The following XKR9 variants were observed in gnomAD, a reference collection of about 807,000 sequenced individuals.
XKR9 encodes XK related 9.
In XKR9, 32 loss-of-function variants were observed where a neutral mutation model predicts 32.0. That is an observed-to-expected ratio of 1.00 (90% CI 0.76 to 1.34). XKR9 has a LOEUF of 1.34. Ranked by LOEUF, XKR9 falls within the 40% of genes most tolerant of loss-of-function variation. The pLI is 0.00. For missense variants in XKR9, 546 were observed against 429.7 expected, an observed-to-expected ratio of 1.27 and a Z score of -2.39; for synonymous variants, 168 against 143.4, an observed-to-expected ratio of 1.17 and a Z score of -1.22.
At chr8:70,966,366 A>G in the XKR9 span, among the ~76,000 whole-genome samples, 1 of 152,100 alleles carries the variant, frequency 6.6e-6, no homozygotes, top group East Asian at 1.9e-4. Flanking sequence ...CTCATGCCTC[A>G]GCCCCTGAGT....
At chr8:71,062,774 G>A in the XKR9 span, among the ~76,000 whole-genome samples, 2 of 151,872 alleles carry the variant, frequency 1.3e-5, no homozygotes, top group Admixed American at 6.6e-5. Context: ...ACCATTTCTC[G>A]GGGGCAGGAT....
At chr8:70,718,515 C>G (rs1806167518) in intron 4 of XKR9, among the ~76,000 whole-genome samples, 1 of 152,072 alleles carries the variant, frequency 6.6e-6, no homozygotes, top group African/African-American at 2.4e-5. Context: ...TGATCCCCTC[C>G]CTGTGTCCAT....
the XKR9 span, among the ~76,000 whole-genome samples, chr8:70,833,966 A>G: frequency 1.3e-5 from 2 of 152,188 alleles, no homozygotes; most frequent in Non-Finnish European, 1.5e-5. Context: ...AATAATTCAG[A>G]TATACAAAAA....
At chr8:70,839,242 G>T in the XKR9 span, among the ~76,000 whole-genome samples, 1 of 152,074 alleles carries the variant, frequency 6.6e-6, no homozygotes. Context: ...TTGAAGGACT[G>T]GATTTGGCTA....
the XKR9 span, among the ~76,000 whole-genome samples, chr8:70,933,629 C>T: frequency 2.6e-5 from 4 of 152,024 alleles, no homozygotes; most frequent in Admixed American, 2.0e-4. Context: ...CACTGTTTCT[C>T]CTAAGTGATA....
chr8:70,960,754 C>T, the XKR9 span, among the ~76,000 whole-genome samples: 15 of 151,810 alleles, frequency 9.9e-5, no homozygotes, highest in African/African-American at 3.1e-4. Context: ...TGCCTGTAGT[C>T]CCATCTACTT....
At chr8:71,055,663 G>A in the XKR9 span, among the ~76,000 whole-genome samples, 1 of 152,054 alleles carries the variant, frequency 6.6e-6, no homozygotes, top group Non-Finnish European at 1.5e-5. Context: ...AATCCTCCCC[G>A]ACATTGATGC....
intron 2 of XKR9, among the ~76,000 whole-genome samples, chr8:70,757,748 G>A (rs150527268): frequency 0.021 from 3,236 of 152,148 alleles, 97 homozygotes; most frequent in African/African-American, 0.075. Context: ...CACCATGCCT[G>A]GCTAATTTTT....
At chr8:71,035,510 T>A in the XKR9 span, among the ~76,000 whole-genome samples, 1 of 152,218 alleles carries the variant, frequency 6.6e-6, no homozygotes, top group Non-Finnish European at 1.5e-5. Context: ...TATCAGACAT[T>A]CTCATGTTGC....
chr8:70,952,374 A>T, the XKR9 span, among the ~76,000 whole-genome samples: 2 of 152,200 alleles, frequency 1.3e-5, no homozygotes, highest in Non-Finnish European at 2.9e-5. Flanking sequence ...ACAGTATGAA[A>T]TGTTGTCACT....
At chr8:70,994,330 A>C in the XKR9 span, among the ~76,000 whole-genome samples, 3 of 152,094 alleles carry the variant, frequency 2.0e-5, no homozygotes, top group Non-Finnish European at 4.4e-5. Flanking sequence ...TTGCCTGAGA[A>C]AGCTTTTTTT....
the XKR9 span, among the ~76,000 whole-genome samples, chr8:70,887,741 A>G: frequency 6.6e-6 from 1 of 152,042 alleles, no homozygotes; most frequent in East Asian, 1.9e-4. Flanking sequence ...TTTTTGGTGT[A>G]TAGAAATGCT....
chr8:70,854,952 G>A, the XKR9 span, among the ~76,000 whole-genome samples: 18 of 152,238 alleles, frequency 1.2e-4, no homozygotes, highest in Non-Finnish European at 2.5e-4. Flanking sequence ...AAGTCATGTA[G>A]CATGATGCCT....
chr8:70,982,792 G>C, the XKR9 span, among the ~76,000 whole-genome samples: 1 of 152,144 alleles, frequency 6.6e-6, no homozygotes, highest in Non-Finnish European at 1.5e-5. Context: ...CTGTATATGA[G>C]CAGGAACTAC....
chr8:70,969,728 A>C, the XKR9 span, among the ~76,000 whole-genome samples: 1 of 152,172 alleles, frequency 6.6e-6, no homozygotes, highest in Non-Finnish European at 1.5e-5. Context: ...TTGGCACTGA[A>C]ACATTTATAT....
intron 2 of XKR9, among the ~76,000 whole-genome samples, chr8:70,758,033 AT>A (rs781599453): frequency 2.0e-5 from 3 of 151,886 alleles, no homozygotes; most frequent in Non-Finnish European, 4.4e-5. Flanking sequence ...TTGCCTCATA[AT>A]TTTTTGTTGG....
chr8:70,681,144 C>CT lies in XKR9; in HGVS notation c.87dup (p.Val30CysfsTer6). On this transcript the variant is annotated frameshift_variant, in exon 3 of 5. Transcript: ENST00000408926. LOFTEE classifies it high-confidence loss of function. ...GATTTAATTGTGGACATATGGGTAT[C>CT]TGTCAGATTTTTCCATGAAGGACAG... is the stretch of plus-strand genomic sequence containing the variant. The CT allele has an allele frequency of 6.2e-7, 1 of 1,613,320 alleles. No homozygotes were observed. The highest frequency in any genetic ancestry group is 8.5e-7 in the Non-Finnish European group (1 of 1,179,454).
intron 2 of XKR9, among the ~76,000 whole-genome samples, chr8:70,767,662 A>T (rs1385301679): frequency 6.6e-6 from 1 of 151,476 alleles, no homozygotes; most frequent in Non-Finnish European, 1.5e-5. Context: ...ATGACTGGCT[A>T]ATTTTTGTTT....
chr8:70,826,210 G>A, the XKR9 span, among the ~76,000 whole-genome samples: 1 of 152,056 alleles, frequency 6.6e-6, no homozygotes, highest in Admixed American at 6.5e-5. Flanking sequence ...GGCTTCAAAA[G>A]TTTTGACTGG....
Sources: gnomAD v4.1 joint callset for allele counts (sites outside exome capture counted in the v4.1 genomes callset) on GRCh38, gnomAD v4.1.1 for gene constraint, MANE v1.5 for transcripts, NCBI Gene and HGNC (gene_info 2026-07-23, HGNC 2026-07-21) for gene names.